Variants in GCNT1 observed in about 807,000 individuals in gnomAD.
GCNT1 encodes the protein beta-1,3-galactosyl-O-glycosyl-glycoprotein beta-1,6-N-acetylglucosaminyltransferase.
In GCNT1, 16 loss-of-function variants were observed where a neutral mutation model predicts 26.2. The ratio of observed to expected loss-of-function variants is 0.61; its 90% CI spans 0.41 to 0.93. The LOEUF is 0.93. Ranked by LOEUF, GCNT1 falls within the 40% of genes least tolerant of loss-of-function variation. The pLI, the probability that GCNT1 is intolerant of heterozygous loss-of-function variation, is 0.00. For missense variants in GCNT1, 477 were observed against 526.7 expected, an observed-to-expected ratio of 0.91 and a Z score of 0.92; for synonymous variants, 183 against 190.8, an observed-to-expected ratio of 0.96 and a Z score of 0.34.
chr9:76,460,936 A>G (rs1316354066), intron 2 of GCNT1, among the ~76,000 whole-genome samples: 39 of 152,248 alleles, frequency 2.6e-4, no homozygotes, highest in Non-Finnish European at 8.8e-5. Context: ...GATTAATGAT[A>G]GCAATGCTTC....
intron 2 of GCNT1, among the ~76,000 whole-genome samples, chr9:76,470,839 C>T (rs1469702631): frequency 6.6e-6 from 1 of 152,046 alleles, no homozygotes; most frequent in Admixed American, 6.6e-5. Context: ...CAAGATTCAG[C>T]GGGGGTCAGG....
Position 76,475,135 on chromosome 9 carries a change from C to G in GCNT1, c.-290+14958C>G, listed in dbSNP as rs1337959302. Among the ~76,000 whole-genome samples the G allele has an allele frequency of 3.9e-5, 6 of 152,188 alleles. No individual in the cohort carries two copies. In the East Asian group the frequency reaches 1.2e-3, roughly 29 times the overall value. ...GAATACCACATCATCTCACATACCT[C>G]TTTTCATGTCATTACAATGAGAATT... On this transcript the variant is annotated intron_variant, in intron 2 of 3. Coordinates refer to ENST00000376730, the MANE Select transcript of GCNT1 (RefSeq NM_001490.5).
chr9:76,478,078 TC>T (rs2131611907), intron 2 of GCNT1, among the ~76,000 whole-genome samples: 1 of 152,288 alleles, frequency 6.6e-6, no homozygotes, highest in East Asian at 1.9e-4. Context: ...AATGGACCAA[TC>T]AGTGCTCTGT....
At chr9:76,481,519 A>T (rs1264683496) in intron 2 of GCNT1, among the ~76,000 whole-genome samples, 1 of 151,912 alleles carries the variant, frequency 6.6e-6, no homozygotes, top group African/African-American at 2.4e-5. Context: ...AATCCAAAAG[A>T]TTGAACACCC....
At chr9:76,394,020 T>A in the GCNT1 span, 2 of 1,452,596 alleles carry the variant, frequency 1.4e-6, no homozygotes, top group Non-Finnish European at 1.9e-6. Context: ...CGGTCCCAAG[T>A]CCCCGGCTGC....
At chr9:76,444,566 A>G (rs1459372638) in intron 1 of GCNT1, among the ~76,000 whole-genome samples, 1 of 152,190 alleles carries the variant, frequency 6.6e-6, no homozygotes, top group Non-Finnish European at 1.5e-5. Flanking sequence ...GTTTAGATAA[A>G]TGTCTGCTGG....
chr9:76,430,769 C>T (rs148685808), intron 1 of GCNT1, among the ~76,000 whole-genome samples: 3,887 of 152,186 alleles, frequency 0.026, 159 homozygotes, highest in African/African-American at 0.087. Context: ...CTGCAACCTC[C>T]GCCTCCCAGG....
At chr9:76,424,903 G>A (rs1464050176) in intron 1 of GCNT1, among the ~76,000 whole-genome samples, 1 of 152,140 alleles carries the variant, frequency 6.6e-6, no homozygotes, top group Non-Finnish European at 1.5e-5. Flanking sequence ...ACTTTGGGAG[G>A]CCAAGGCAGG....
rs750199918 is a variant in GCNT1 at position 76,503,409 on chromosome 9, ATC to A, written c.1030_1031del (p.Leu344ValfsTer2). On this transcript the variant is annotated frameshift_variant, in exon 4 of 4. Coordinates refer to ENST00000376730, the MANE Select transcript of GCNT1 (RefSeq NM_001490.5). LOFTEE classifies it high-confidence loss of function. ...TCACTCCCTGCCAGCCATAAGTATG[ATC>A]TGTCTGACATGCAAGCAGTTGCCAG... The A allele has an allele frequency of 4.3e-6, 7 of 1,614,130 alleles. No homozygotes were observed. Among genetic ancestry groups the A allele is most frequent in the Non-Finnish European group, 5.1e-6 (6 of 1,180,008 alleles).
At chr9:76,479,503 C>A (rs1199450341) in intron 2 of GCNT1, among the ~76,000 whole-genome samples, 2 of 152,222 alleles carry the variant, frequency 1.3e-5, no homozygotes, top group African/African-American at 4.8e-5. Flanking sequence ...CCTATTTCTC[C>A]ACATCCTCTC....
At chr9:76,482,022 T>C (rs144354119) in intron 2 of GCNT1, among the ~76,000 whole-genome samples, 54 of 152,288 alleles carry the variant, frequency 3.5e-4, no homozygotes, top group African/African-American at 1.2e-3. Context: ...ACATTGTCTT[T>C]ATTATATTGT....
At chr9:76,447,687 G>A (rs548823903) in intron 1 of GCNT1, among the ~76,000 whole-genome samples, 1 of 152,108 alleles carries the variant, frequency 6.6e-6, no homozygotes, top group Non-Finnish European at 1.5e-5. Flanking sequence ...CACACTTCAC[G>A]CAATATTTAC....
chr9:76,453,531 G>T (rs1053797506), intron 1 of GCNT1, among the ~76,000 whole-genome samples: 1 of 152,174 alleles, frequency 6.6e-6, no homozygotes, highest in African/African-American at 2.4e-5. Context: ...AGTGGGGGAA[G>T]AGGAGGGCAT....
chr9:76,428,948 C>T (rs1468666783), intron 1 of GCNT1, among the ~76,000 whole-genome samples: 1 of 152,148 alleles, frequency 6.6e-6, no homozygotes, highest in Non-Finnish European at 1.5e-5. Context: ...GATCTGTCTG[C>T]CTTGGCCTCC....
At chr9:76,472,884 G>C (rs1330495284) in intron 2 of GCNT1, among the ~76,000 whole-genome samples, 78 of 151,990 alleles carry the variant, frequency 5.1e-4, no homozygotes, top group Non-Finnish European at 1.0e-4. Flanking sequence ...GAGTAGCTGG[G>C]ATTACAGGCG....
chr9:76,499,442 G>A (rs562128874), intron 2 of GCNT1, among the ~76,000 whole-genome samples: 3 of 152,038 alleles, frequency 2.0e-5, no homozygotes, highest in Non-Finnish European at 4.4e-5. Flanking sequence ...AACTTTCTGC[G>A]CGTTGAATAT....
chr9:76,490,545 C>G (rs760872027), intron 2 of GCNT1, among the ~76,000 whole-genome samples: 1 of 152,168 alleles, frequency 6.6e-6, no homozygotes, highest in Non-Finnish European at 1.5e-5. Flanking sequence ...GGATAATACA[C>G]GTTACACTGT....
At chr9:76,457,290 G>T (rs4512450), upstream of GCNT1, among the ~76,000 whole-genome samples, 1 of 152,010 alleles carries the variant, frequency 6.6e-6, no homozygotes, top group Non-Finnish European at 1.5e-5. Context: ...GCTTTGTCAC[G>T]CAGGCCAGAG....
intron 2 of GCNT1, among the ~76,000 whole-genome samples, chr9:76,468,544 T>A (rs1824058856): frequency 6.6e-6 from 1 of 152,220 alleles, no homozygotes; most frequent in African/African-American, 2.4e-5. Flanking sequence ...CTTTAGTCTG[T>A]AGAAGCTTTG....
Sources: gnomAD v4.1 joint callset for allele counts (sites outside exome capture counted in the v4.1 genomes callset) on GRCh38, gnomAD v4.1.1 for gene constraint, MANE v1.5 for transcripts, NCBI Gene and HGNC (gene_info 2026-07-23, HGNC 2026-07-21) for gene names.